CDYL: variants seen among roughly 807,000 people sequenced by gnomAD.
The protein encoded by CDYL is chromodomain Y-like protein.
Under a neutral mutation model 47.3 loss-of-function variants are expected in CDYL, and 8 were observed. The observed-to-expected ratio is 0.17, with a 90% CI of 0.10 to 0.31. CDYL has a LOEUF of 0.31. Ranked by LOEUF, CDYL falls within the 10% of genes least tolerant of loss-of-function variation. The pLI is 1.00. For synonymous variants in CDYL, 266 were observed against 265.0 expected (o/e 1.00, Z -0.04); for missense variants, 471 against 701.4 (o/e 0.67, Z 3.71).
At chr6:4,880,154 C>A (rs770101428) in intron 1 of CDYL, among the ~76,000 whole-genome samples, 15 of 152,100 alleles carry the variant, frequency 9.9e-5, no homozygotes, top group Non-Finnish European at 1.8e-4. Context: ...AGTAGTCTCA[C>A]TGCCCTAGAA....
chr6:4,776,834 C>T, intron 1 of CDYL, 27 bp downstream of exon 1: 1 of 598,512 alleles, frequency 1.7e-6, no homozygotes, highest in South Asian at 6.6e-5. Context: ...CGGCCTCGGG[C>T]CGCCCCCCGC....
At chr6:4,875,314 T>C (rs1256135298) in intron 1 of CDYL, among the ~76,000 whole-genome samples, 6 of 152,220 alleles carry the variant, frequency 3.9e-5, no homozygotes, top group Non-Finnish European at 5.9e-5. Context: ...GCTGTATAAA[T>C]GTTAAGAGTT....
rs144497601 is a variant in CDYL at position 4,768,461 on chromosome 6, C to T, written c.186+33617C>T. 6.0e-3 allele frequency among the ~76,000 whole-genome samples: 905 copies of T among 152,096 alleles called. 3 individuals are homozygous for T. The highest frequency in any genetic ancestry group is 9.0e-3 in the Non-Finnish European group (610 of 67,986). ...ATGATGAGAGTATGTCAAAGATGCA[C>T]AGAAGTCAACTGAAAGAGCTCCCGG... On this transcript the variant is annotated intron_variant, in intron 3 of 8. Coordinates refer to the CDYL transcript ENST00000328908.
In CDYL at chr6:4,955,239, T is replaced by G. The variant is rs186957088; in HGVS notation, c.*1183T>G. 2.7e-4 allele frequency: 41 copies of G among 152,794 alleles called. No homozygotes were observed. Among genetic ancestry groups the G allele is most frequent in the African/African-American group, 9.4e-4 (39 of 41,574 alleles). 9.5% of individuals were successfully genotyped at this position (152,794 alleles called of 1,614,324 possible). On this transcript the variant is annotated 3_prime_UTR_variant, in exon 7 of 7. Transcript: ENST00000397588. ...ACTGATTCCAGACTCCAGATGCCTA[T>G]TATTAGTTAGGCTTCTGAGCTTGCA...
chr6:4,940,017 C>G (rs758877231), intron 4 of CDYL, among the ~76,000 whole-genome samples: 1 of 152,178 alleles, frequency 6.6e-6, no homozygotes, highest in African/African-American at 2.4e-5. Flanking sequence ...CTCCCTCCAG[C>G]GTTGAATTCC....
intron 3 of CDYL, among the ~76,000 whole-genome samples, chr6:4,768,718 T>A (rs1344519004): frequency 7.2e-5 from 11 of 152,044 alleles, no homozygotes; most frequent in Admixed American, 5.9e-4. Flanking sequence ...TCAAAGTGAC[T>A]CCCTTCCAAA....
At chr6:4,929,988 T>A (rs1318846583) in intron 2 of CDYL, among the ~76,000 whole-genome samples, 1 of 152,168 alleles carries the variant, frequency 6.6e-6, no homozygotes, top group East Asian at 1.9e-4. Context: ...AATTGTTAGT[T>A]GTATATCAGT....
At chr6:4,794,608 C>A (rs1436830245) in intron 1 of CDYL, among the ~76,000 whole-genome samples, 1 of 152,058 alleles carries the variant, frequency 6.6e-6, no homozygotes, top group East Asian at 1.9e-4. Flanking sequence ...AGAGAGAGTG[C>A]AGGGACAGTG....
At chr6:4,810,730 G>A (rs1759503947) in intron 1 of CDYL, among the ~76,000 whole-genome samples, 1 of 152,172 alleles carries the variant, frequency 6.6e-6, no homozygotes, top group Non-Finnish European at 1.5e-5. Flanking sequence ...CCTGGCGAGG[G>A]CTGCTCTCTG....
At chr6:4,947,374 C>G (rs1459218776) in intron 5 of CDYL, among the ~76,000 whole-genome samples, 1 of 152,210 alleles carries the variant, frequency 6.6e-6, no homozygotes. Flanking sequence ...CTCCCCACCC[C>G]TCACAAGCTG....
intron 5 of CDYL, among the ~76,000 whole-genome samples, chr6:4,947,724 G>A (rs1758567308): frequency 6.6e-6 from 1 of 152,174 alleles, no homozygotes; most frequent in South Asian, 2.1e-4. Flanking sequence ...TTGGGAAGCA[G>A]GGTCTGGTAG....
intron 3 of CDYL, among the ~76,000 whole-genome samples, chr6:4,743,122 G>A (rs1172956119): frequency 2.6e-5 from 4 of 152,184 alleles, no homozygotes; most frequent in Non-Finnish European, 4.4e-5. Flanking sequence ...TGGCCTGGCT[G>A]CCTTGAGACC....
At chr6:4,714,027 G>A (rs981725918) in intron 1 of CDYL, 7 of 152,198 alleles carry the variant, frequency 4.6e-5, no homozygotes, top group African/African-American at 7.2e-5. Context: ...GAGTTTTGTA[G>A]ATGTGATATC....
At chr6:4,726,704 A>G (rs1561826838) in intron 2 of CDYL, among the ~76,000 whole-genome samples, 1 of 151,920 alleles carries the variant, frequency 6.6e-6, no homozygotes, top group Non-Finnish European at 1.5e-5. Context: ...TGTCTCAAAA[A>G]AAAAAAAAAG....
intron 1 of CDYL, among the ~76,000 whole-genome samples, chr6:4,828,765 C>T (rs1760052980): frequency 6.6e-6 from 1 of 151,932 alleles, no homozygotes; most frequent in Admixed American, 6.5e-5. Context: ...ATGATGGTGT[C>T]CTGCTAGCCT....
chr6:4,787,127 G>A (rs1406407306), intron 1 of CDYL, among the ~76,000 whole-genome samples: 1 of 152,206 alleles, frequency 6.6e-6, no homozygotes, highest in African/African-American at 2.4e-5. Context: ...CAGCAGGACA[G>A]ACTTCTGGGA....
rs1449598953 is a variant in CDYL at position 4,935,711 on chromosome 6, T to G, written c.888T>G (p.Asp296Glu). ...GAGATATTGTGGTCAGGAAGCAGGA[T>G]GGCTTCACCCACATCTTGTTATCCA... ...RYRDIVVRKQDGFTHILLSTK... is the reference protein window; with the variant it reads ...RYRDIVVRKQEGFTHILLSTK... Residue 296 changes from aspartate (D) to glutamate (E), a missense_variant, in exon 3 of 7, where the codon GAT (aspartate) becomes GAG (glutamate). Transcript: ENST00000397588. 6.2e-7 allele frequency: 1 copy of G among 1,614,236 alleles called. No homozygotes were observed. Among genetic ancestry groups the G allele is most frequent in the East Asian group, 2.2e-5 (1 of 44,886 alleles).
chr6:4,775,464 A>G (rs1275868521), upstream of CDYL: 1 of 151,196 alleles, frequency 6.6e-6, no homozygotes, highest in Non-Finnish European at 1.5e-5. The surrounding 1 kb of genome is among the most constrained non-coding windows in gnomAD (Gnocchi z 7.0). Context: ...CCGTTCCGCG[A>G]AAGGAACCAC....
chr6:4,892,358 G>C lies in CDYL; in HGVS notation c.670G>C (p.Gly224Arg). ...CCCTGTGACTGCAGCCATGGCCACA[G>C]GCTTAGCTGTTAACGGGAAAGGTGA... The part of the protein sequence containing the change: ...PGPVTAAMAT[G>R]LAVNGKGTSP... The change falls in exon 2 of 7, where the codon GGC becomes CGC. Residue 224 changes from glycine to arginine, a missense_variant. By Grantham distance (125) the Gly-to-Arg change is moderately radical (BLOSUM62 -2). Coordinates refer to ENST00000397588, the MANE Select transcript of CDYL (RefSeq NM_004824.4). 1.9e-6 allele frequency: 3 copies of C among 1,611,188 alleles called. No individual in the cohort carries two copies. Among genetic ancestry groups the C allele is most frequent in the Non-Finnish European group, 2.5e-6 (3 of 1,178,228 alleles).
Sources: gnomAD v4.1 joint callset for allele counts (sites outside exome capture counted in the v4.1 genomes callset) on GRCh38, gnomAD v4.1.1 for gene constraint, Gnocchi (gnomAD v3.1) non-coding constraint, MANE v1.5 for transcripts, NCBI Gene and HGNC (gene_info 2026-07-23, HGNC 2026-07-21) for gene names.